Variants in LOXHD1 observed in about 807,000 individuals in gnomAD.
LOXHD1 encodes lipoxygenase homology PLAT domains 1.
In LOXHD1, 205 loss-of-function variants were observed where a neutral mutation model predicts 248.2. The observed-to-expected ratio is 0.83, with a 90% CI of 0.74 to 0.93. The LOEUF (loss-of-function observed/expected upper bound fraction) is 0.93, where lower values mean the gene tolerates loss of function less well. Among genes scored for constraint, LOXHD1 ranks in the 40% least tolerant of loss-of-function variants. The pLI, the probability that LOXHD1 is intolerant of heterozygous loss-of-function variation, is 0.00. For missense variants in LOXHD1, 2,930 were observed against 2,971.6 expected (o/e 0.99, Z 0.33); for synonymous variants, 1,113 against 1,162.8 (o/e 0.96, Z 0.87).
chr18:46,639,946 C>T (rs1321350675), intron 3 of LOXHD1, 146 bp from the exon 4 acceptor site: 21 of 998,044 alleles, frequency 2.1e-5, no homozygotes, highest in Non-Finnish European at 2.9e-5. Context: ...TCGGTTTCCT[C>T]ATCTATAAAA....
chr18:46,547,104 T>C (rs2036882111), intron 21 of LOXHD1, 46 bp from the exon 22 acceptor site: 2 of 1,550,018 alleles, frequency 1.3e-6, no homozygotes, highest in Non-Finnish European at 1.7e-6. Flanking sequence ...CTTAGAAAGG[T>C]CTCGTCCAGG....
At chr18:46,574,419 A>ACACACC (rs1357990413) in intron 14 of LOXHD1, among the ~76,000 whole-genome samples, 3 of 149,044 alleles carry the variant, frequency 2.0e-5, no homozygotes, top group African/African-American at 7.5e-5. Context: ...ACACACACAC[A>ACACACC]CCTGATCCTA....
intron 4 of LOXHD1, among the ~76,000 whole-genome samples, chr18:46,638,786 CAA>C (rs2038924707): frequency 6.6e-6 from 1 of 152,154 alleles, no homozygotes; most frequent in Non-Finnish European, 1.5e-5. Flanking sequence ...CCCATCAAGA[CAA>C]TGGATAAAGG....
intron 6 of LOXHD1, among the ~76,000 whole-genome samples, chr18:46,606,075 T>C (rs184032813): frequency 6.6e-5 from 10 of 152,178 alleles, no homozygotes; most frequent in Non-Finnish European, 8.8e-5. Flanking sequence ...CTTTATGAAA[T>C]AGGAGTAAAT....
chr18:46,605,187 C>T (rs2038394088), intron 6 of LOXHD1, among the ~76,000 whole-genome samples: 1 of 152,162 alleles, frequency 6.6e-6, no homozygotes, highest in African/African-American at 2.4e-5. Flanking sequence ...CAACCCTCTG[C>T]TTTACATTAT....
At chr18:46,536,618 C>T (rs975375336) in intron 26 of LOXHD1, among the ~76,000 whole-genome samples, 1 of 152,198 alleles carries the variant, frequency 6.6e-6, no homozygotes, top group African/African-American at 2.4e-5. Context: ...CAGCCTCAGC[C>T]GCTGACGGCA....
chr18:46,528,176 C>A (rs1423286744), intron 29 of LOXHD1, among the ~76,000 whole-genome samples: 2 of 152,212 alleles, frequency 1.3e-5, no homozygotes, highest in African/African-American at 4.8e-5. Flanking sequence ...AATCCCCAGA[C>A]ATGCACAGCC....
intron 29 of LOXHD1, among the ~76,000 whole-genome samples, chr18:46,527,953 C>T (rs984698448): frequency 7.2e-5 from 11 of 152,124 alleles, no homozygotes; most frequent in African/African-American, 2.7e-4. Context: ...GGTCTGACTC[C>T]TGGAGACCTG....
At chr18:46,633,657 A>T (rs998903823) in intron 4 of LOXHD1, among the ~76,000 whole-genome samples, 4 of 152,250 alleles carry the variant, frequency 2.6e-5, no homozygotes, top group African/African-American at 9.6e-5. Context: ...GCATCAGTGG[A>T]CACTATCAAC....
chr18:46,559,400 G>T (rs1472231506), intron 20 of LOXHD1, 48 bp downstream of exon 20: 1 of 1,551,544 alleles, frequency 6.4e-7, no homozygotes, highest in South Asian at 1.2e-5. Flanking sequence ...ATCTCAGAGG[G>T]CACCAAACCC....
Position 46,593,588 on chromosome 18 carries a change from A to G in LOXHD1, c.1431+12T>C. 3 of 1,551,738 alleles carry G rather than the reference A, an allele frequency of 1.9e-6. No individual in the cohort carries two copies. The highest frequency in any genetic ancestry group is 2.6e-6 in the Non-Finnish European group (3 of 1,146,842). ...TCCTTTCTCCCTCCCATCCATCACA[A>G]TCCTCTCCTACCCTAAACTTCTCGA... On this transcript the variant is annotated intron_variant, in intron 10 of 40. Transcript: ENST00000642948.
rs372820569 is a variant in LOXHD1 at position 46,566,132 on chromosome 18, C to T, written c.2437+125G>A. 19 of 1,029,228 alleles carry T rather than the reference C, an allele frequency of 1.8e-5. No homozygotes were observed. The African/African-American group carries it at 2.7e-4, about 15-fold the overall frequency. The allele number at this position is 1,029,228 out of a possible 1,614,324, so 63.8% of individuals were successfully genotyped here. Reference sequence around the variant, plus strand: ...AAGCAGTGAAAGCCCCCATTTTCTCCCTGCAGGACCCTACCAGCAGCACTT... The same window carrying T: ...AAGCAGTGAAAGCCCCCATTTTCTCTCTGCAGGACCCTACCAGCAGCACTT... On this transcript the variant is annotated intron_variant, in intron 17 of 40. Transcript: ENST00000642948.
At chr18:46,618,117 G>T in intron 5 of LOXHD1, 75 bp downstream of exon 5, 2 of 1,116,382 alleles carry the variant, frequency 1.8e-6, no homozygotes, top group Non-Finnish European at 2.6e-6. Context: ...GCCTTCCTCT[G>T]CCAGGATTGT....
At chr18:46,539,772 T>C (rs2036476324) in intron 25 of LOXHD1, among the ~76,000 whole-genome samples, 2 of 152,144 alleles carry the variant, frequency 1.3e-5, no homozygotes. Flanking sequence ...ACAATTGCTC[T>C]GGGTCACAGT....
intron 12 of LOXHD1, among the ~76,000 whole-genome samples, chr18:46,583,872 T>A (rs2144175181): frequency 6.6e-6 from 1 of 152,156 alleles, no homozygotes; most frequent in East Asian, 1.9e-4. Context: ...AAACAGTATG[T>A]TGACAAGATA....
chr18:46,566,414 G>A lies in LOXHD1; in HGVS notation c.2280C>T (p.Gly760=), dbSNP rs1568190009. The A allele has an allele frequency of 6.4e-7, 1 of 1,551,092 alleles. No homozygotes were observed. Among genetic ancestry groups the A allele is most frequent in the Non-Finnish European group, 8.7e-7 (1 of 1,147,000 alleles). Reference sequence around the variant, plus strand: ...TGCCCAGGAACCAGCTGGCATGCATGCCAGTGCTGTCATGCCCAATCACCA... The same window carrying A: ...TGCCCAGGAACCAGCTGGCATGCATACCAGTGCTGTCATGCCCAATCACCA... The part of the protein sequence containing the change: ...NRLVIGHDST[G]MHASWFLGSV... The change falls in exon 17 of 41, where the codon GGC becomes GGT. Residue 760 remains glycine (G), a synonymous_variant. Transcript: ENST00000642948.
chr18:46,614,755 G>T (rs1335538419), intron 5 of LOXHD1, among the ~76,000 whole-genome samples: 1 of 133,438 alleles, frequency 7.5e-6, no homozygotes, highest in African/African-American at 2.6e-5. Flanking sequence ...TAACTTTTTA[G>T]GTCTTTATTC....
chr18:46,594,215 G>T, intron 9 of LOXHD1, 116 bp downstream of exon 9: 1 of 1,342,110 alleles, frequency 7.5e-7, no homozygotes, highest in Non-Finnish European at 1.0e-6. Context: ...CCTTTCTGGA[G>T]GAGACTTGAG....
Position 46,604,120 on chromosome 18 carries a change from C to T in LOXHD1, c.869G>A (p.Gly290Glu), listed in dbSNP as rs755225561. The T allele has an allele frequency of 5.8e-6, 9 of 1,551,624 alleles. No homozygotes were observed. The highest frequency in any genetic ancestry group is 1.4e-5 in the African/African-American group (1 of 73,042). The change falls in exon 7 of 41, where the codon GGA becomes GAA. Residue 290 changes from glycine (G) to glutamate (E), a missense_variant. Coordinates refer to ENST00000642948, the MANE Select transcript of LOXHD1 (RefSeq NM_001384474.1). ...TTCAAATCTACCTGTGGTCTCAGCT[C>T]CGCCCACTAAGATATCCCTTTGGAT... is the stretch of plus-strand genomic sequence containing the variant. ...GKIQRDILVG[G>E]AETTAITYIV...
Sources: allele counts gnomAD v4.1 joint callset (sites outside exome capture counted in the v4.1 genomes callset), GRCh38; gene constraint gnomAD v4.1.1; transcripts MANE v1.5; gene names NCBI Gene and HGNC (gene_info 2026-07-23, HGNC 2026-07-21).